AP3B1: variants seen among roughly 807,000 people sequenced by gnomAD.
AP3B1 encodes AP-3 complex subunit beta-1.
A neutral mutation model predicts 132.5 loss-of-function variants in AP3B1; 61 were observed. The observed-to-expected ratio is 0.46, with a 90% CI of 0.37 to 0.57. AP3B1 has a LOEUF of 0.57. AP3B1 is among the 20% of genes least tolerant of loss of function. The probability of loss-of-function intolerance (pLI) is 0.00; values close to 1 mark genes in which losing one functional copy is unlikely to be tolerated. For missense variants in AP3B1, 1,120 were observed against 1,289.4 expected (o/e 0.87, Z 2.01); for synonymous variants, 388 against 438.3 (o/e 0.89, Z 1.43).
At chr5:78,049,325 A>C (rs1175243301) in intron 22 of AP3B1, among the ~76,000 whole-genome samples, 1 of 152,234 alleles carries the variant, frequency 6.6e-6, no homozygotes, top group Non-Finnish European at 1.5e-5. Flanking sequence ...CGTTATTTCA[A>C]ACACAAAGTA....
At chr5:78,148,766 A>G (rs1368309223) in intron 14 of AP3B1, among the ~76,000 whole-genome samples, 1 of 152,154 alleles carries the variant, frequency 6.6e-6, no homozygotes, top group African/African-American at 2.4e-5. Context: ...CCAACCTCAT[A>G]ATCATGTGTA....
intron 2 of AP3B1, among the ~76,000 whole-genome samples, chr5:78,262,429 C>G (rs1270099001): frequency 3.3e-5 from 5 of 152,076 alleles, no homozygotes; most frequent in African/African-American, 1.2e-4. Flanking sequence ...AAATCCAACA[C>G]CATTTTCTTG....
At position 78,002,846 on chromosome 5, in the gene AP3B1, G is replaced by C; in HGVS notation, c.*56C>G. On this transcript the variant is annotated 3_prime_UTR_variant, in exon 27 of 27. Coordinates refer to ENST00000255194, the MANE Select transcript of AP3B1 (RefSeq NM_003664.5). Reference sequence around the variant, plus strand: ...TTATTATAAATGAAAGGCAGCAGTAGTGGATGCCAGGCACTTTTGTTGTGT... The same window carrying C: ...TTATTATAAATGAAAGGCAGCAGTACTGGATGCCAGGCACTTTTGTTGTGT... 1.2e-6 allele frequency: 2 copies of C among 1,600,010 alleles called. No individual in the cohort carries two copies. Among genetic ancestry groups the C allele is most frequent in the Admixed American group, 3.3e-5 (2 of 60,012 alleles).
chr5:78,114,491 G>A (rs1416808792), intron 18 of AP3B1, among the ~76,000 whole-genome samples: 1 of 152,162 alleles, frequency 6.6e-6, no homozygotes, highest in African/African-American at 2.4e-5. Context: ...ATAGGTCAAA[G>A]AGATGATCAA....
chr5:78,162,960 T>C lies in AP3B1; in HGVS notation c.1231-9A>G, dbSNP rs1234588325. ...TGGCTTTTCACATAGGTCTAAAAGATATTATTTCAATTAGTTTACACACTG... is the reference window on the plus strand; with the variant it reads ...TGGCTTTTCACATAGGTCTAAAAGACATTATTTCAATTAGTTTACACACTG... On this transcript the variant is annotated splice_polypyrimidine_tract_variant and intron_variant, in intron 12 of 26. Transcript: ENST00000255194. The C allele has an allele frequency of 3.7e-6, 6 of 1,612,802 alleles. No individual in the cohort carries two copies. Among genetic ancestry groups the C allele is most frequent in the Non-Finnish European group, 5.1e-6 (6 of 1,179,016 alleles).
chr5:78,100,971 G>C lies in AP3B1; in HGVS notation c.2452C>G (p.Leu818Val), dbSNP rs1751097725. The change falls in exon 21 of 27, where the codon CTT becomes GTT. Residue 818 changes from leucine to valine, a missense_variant. Coordinates refer to ENST00000255194, the MANE Select transcript of AP3B1 (RefSeq NM_003664.5). Reference sequence around the variant, plus strand: ...TACTTACAATCATCCAGATCTAGAAGTGAAACATCTTTGGTAAGAGGAGTT... The same window carrying C: ...TACTTACAATCATCCAGATCTAGAACTGAAACATCTTTGGTAAGAGGAGTT... ...DRTPLTKDVSLLDLDDFNPVS... is the reference protein window; with the variant it reads ...DRTPLTKDVSVLDLDDFNPVS... The C allele has an allele frequency of 6.4e-7, 1 of 1,554,414 alleles. No homozygotes were observed. Among genetic ancestry groups the C allele is most frequent in the Non-Finnish European group, 8.9e-7 (1 of 1,129,346 alleles).
chr5:78,076,702 G>C (rs1000540001), intron 22 of AP3B1, among the ~76,000 whole-genome samples: 4 of 152,204 alleles, frequency 2.6e-5, no homozygotes, highest in Non-Finnish European at 5.9e-5. Flanking sequence ...TGTGGCTAGA[G>C]TTCAACCATG....
intron 6 of AP3B1, among the ~76,000 whole-genome samples, chr5:78,222,769 T>C (rs973501734): frequency 2.0e-5 from 3 of 152,012 alleles, no homozygotes; most frequent in Non-Finnish European, 2.9e-5. Flanking sequence ...AGTTCAAAGA[T>C]ATAAATAGTT....
chr5:78,091,580 G>C (rs1209904706), intron 21 of AP3B1, among the ~76,000 whole-genome samples: 1 of 152,188 alleles, frequency 6.6e-6, no homozygotes, highest in Non-Finnish European at 1.5e-5. Flanking sequence ...GAGGCTTCAT[G>C]AACAGGAGGG....
At chr5:78,035,819 A>C (rs1747787229) in intron 23 of AP3B1, among the ~76,000 whole-genome samples, 1 of 152,122 alleles carries the variant, frequency 6.6e-6, no homozygotes, top group Non-Finnish European at 1.5e-5. Context: ...TCTAGCAAAC[A>C]GGCTTTACTG....
intron 24 of AP3B1, among the ~76,000 whole-genome samples, chr5:78,033,767 CA>C (rs1747679296): frequency 6.6e-6 from 1 of 151,698 alleles, no homozygotes; most frequent in South Asian, 2.1e-4. Context: ...AAAACATTAA[CA>C]ACAAAATCCA....
At chr5:78,212,335 G>A (rs6453374) in intron 7 of AP3B1, among the ~76,000 whole-genome samples, 40,107 of 152,094 alleles carry the variant, frequency 0.26, 5,763 homozygotes, top group South Asian at 0.36. Context: ...AAGCCATTAA[G>A]TATAAAGCAT....
intron 22 of AP3B1, among the ~76,000 whole-genome samples, chr5:78,067,491 C>G (rs1319136478): frequency 6.6e-6 from 1 of 152,226 alleles, no homozygotes; most frequent in Non-Finnish European, 1.5e-5. Context: ...CCACATGGCA[C>G]TTACTCTAAA....
At chr5:78,219,432 G>C (rs1215153800) in intron 6 of AP3B1, among the ~76,000 whole-genome samples, 3 of 152,170 alleles carry the variant, frequency 2.0e-5, no homozygotes, top group African/African-American at 7.2e-5. Flanking sequence ...AAGTAGGAAA[G>C]TGTTTAGGAC....
intron 22 of AP3B1, among the ~76,000 whole-genome samples, chr5:78,046,235 A>G (rs925804997): frequency 1.3e-5 from 2 of 152,184 alleles, no homozygotes; most frequent in African/African-American, 4.8e-5. Flanking sequence ...TGATGAGAGC[A>G]AGCATTACCG....
chr5:78,071,546 G>A (rs1749545256), intron 22 of AP3B1, among the ~76,000 whole-genome samples: 1 of 152,132 alleles, frequency 6.6e-6, no homozygotes, highest in African/African-American at 2.4e-5. Flanking sequence ...TCTTGCACAT[G>A]TATCCTGGAA....
chr5:78,222,994 C>T (rs77692117), intron 6 of AP3B1, among the ~76,000 whole-genome samples: 5,127 of 146,332 alleles, frequency 0.035, 162 homozygotes, highest in East Asian at 0.13. Context: ...AATAGGAGCC[C>T]TGTTTCTTGT....
At chr5:78,037,300 AT>A (rs941147779) in intron 23 of AP3B1, among the ~76,000 whole-genome samples, 1 of 151,970 alleles carries the variant, frequency 6.6e-6, no homozygotes, top group East Asian at 1.9e-4. Context: ...TCCTAAACTA[AT>A]TTTTTTTAAC....
intron 11 of AP3B1, among the ~76,000 whole-genome samples, chr5:78,169,497 T>C (rs1241630178): frequency 2.0e-5 from 3 of 152,150 alleles, no homozygotes; most frequent in African/African-American, 7.2e-5. Context: ...GCATGATCAA[T>C]GGCTCACTGC....
Sources: allele counts gnomAD v4.1 joint callset (sites outside exome capture counted in the v4.1 genomes callset), GRCh38; gene constraint gnomAD v4.1.1; transcripts MANE v1.5; gene names NCBI Gene and HGNC (gene_info 2026-07-23, HGNC 2026-07-21).